The following SCTR variants were observed in gnomAD, a reference collection of about 807,000 sequenced individuals.
The protein encoded by SCTR is pancreatic secretin receptor.
In SCTR, 56 loss-of-function variants were observed where a neutral mutation model predicts 60.8. The ratio of observed to expected loss-of-function variants is 0.92; its 90% CI spans 0.74 to 1.15. The LOEUF is 1.15. Among genes scored for constraint, SCTR ranks in the 50% most tolerant of loss-of-function variants. The probability of loss-of-function intolerance (pLI) is 0.00; values close to 1 mark genes in which losing one functional copy is unlikely to be tolerated. For synonymous variants in SCTR, 202 were observed against 217.0 expected, an observed-to-expected ratio of 0.93 and a Z score of 0.61; for missense variants, 562 against 550.4, an observed-to-expected ratio of 1.02 and a Z score of -0.21.
At chr2:119,508,383 CTTTTTTT>C (rs34070844) in intron 1 of SCTR, among the ~76,000 whole-genome samples, 20 of 77,404 alleles carry the variant, frequency 2.6e-4, no homozygotes, top group Admixed American at 7.1e-4. Flanking sequence ...TCTTCTTCTT[CTTTTTTT>C]TTTTTTTTTT....
At chr2:119,484,664 TG>T (rs1558866092) in intron 2 of SCTR, 1 of 101,102 alleles carries the variant, frequency 9.9e-6, no homozygotes, top group Non-Finnish European at 2.6e-5. Flanking sequence ...TTTCTTCTCC[TG>T]TTTTTTTTGT....
intron 1 of SCTR, chr2:119,495,638 A>G (rs1678317167): frequency 6.6e-6 from 1 of 152,288 alleles, no homozygotes; most frequent in African/African-American, 2.4e-5. Flanking sequence ...CTCAGAGGCA[A>G]GTAGAAGTCA....
intron 11 of SCTR, among the ~76,000 whole-genome samples, chr2:119,443,638 C>T (rs1365676801): frequency 1.3e-5 from 2 of 152,104 alleles, no homozygotes; most frequent in Non-Finnish European, 2.9e-5. Flanking sequence ...CCTCTGCCTC[C>T]CAGGTTCAAG....
At chr2:119,459,159 C>T (rs1683500012) in intron 7 of SCTR, among the ~76,000 whole-genome samples, 1 of 152,166 alleles carries the variant, frequency 6.6e-6, no homozygotes, top group African/African-American at 2.4e-5. Flanking sequence ...AGTGAGACAA[C>T]CTAAATGTCC....
intron 1 of SCTR, among the ~76,000 whole-genome samples, chr2:119,499,134 A>G (rs1470366392): frequency 6.6e-6 from 1 of 152,102 alleles, no homozygotes; most frequent in Non-Finnish European, 1.5e-5. Flanking sequence ...AGAAAGACAC[A>G]TTACATAATG....
intron 2 of SCTR, among the ~76,000 whole-genome samples, chr2:119,493,880 A>T (rs1255648223): frequency 6.6e-6 from 1 of 152,098 alleles, no homozygotes; most frequent in Non-Finnish European, 1.5e-5. Context: ...ACCTCAGGTG[A>T]TCCACTCACC....
Position 119,524,156 on chromosome 2 carries a change from G to T in SCTR, c.71C>A (p.Ser24Ter). Residue 24 changes from serine (S) to a stop codon, truncating the protein, a stop_gained and splice_region_variant, in exon 1 of 13, where the codon TCG becomes TAG. Transcript: ENST00000019103. LOFTEE classifies it high-confidence loss of function. ...LPVLLACAAH[S>*]TGALPRLCDV... is the part of the protein sequence containing the mutation. Reference sequence around the variant, plus strand: ...CCTGCAGAAGGGCGCAGTACTCACCGAGTGCGCGGCGCAGGCGAGCAGCAC... The same window carrying T: ...CCTGCAGAAGGGCGCAGTACTCACCTAGTGCGCGGCGCAGGCGAGCAGCAC... The T allele has an allele frequency of 6.5e-7, 1 of 1,538,812 alleles. No homozygotes were observed. The highest frequency in any genetic ancestry group is 8.8e-7 in the Non-Finnish European group (1 of 1,141,038).
chr2:119,443,035 C>G (rs1369074215), intron 11 of SCTR, among the ~76,000 whole-genome samples: 1 of 152,090 alleles, frequency 6.6e-6, no homozygotes, highest in Non-Finnish European at 1.5e-5. Flanking sequence ...TTTAGGCATG[C>G]CTGGAGCTCT....
intron 4 of SCTR, among the ~76,000 whole-genome samples, chr2:119,471,411 T>A (rs1471996761): frequency 6.6e-6 from 1 of 152,180 alleles, no homozygotes; most frequent in Non-Finnish European, 1.5e-5. Context: ...AATCTCCTTA[T>A]TAAATCATCC....
rs751085881 is a variant in SCTR at position 119,488,031 on chromosome 2, G to C, written c.193+6397C>G. The stretch of plus-strand genomic sequence containing the variant: ...GGATTTTTCCTCAGACATCACACCC[G>C]CTCCACACTCCCAGATGGAGCCCTT... On this transcript the variant is annotated intron_variant, in intron 2 of 12. Transcript: ENST00000019103. Among the ~76,000 whole-genome samples the C allele has an allele frequency of 2.6e-5, 4 of 152,216 alleles. No individual in the cohort carries two copies. In the East Asian group the frequency reaches 7.7e-4, roughly 29 times the overall value.
intron 4 of SCTR, among the ~76,000 whole-genome samples, chr2:119,472,721 A>T (rs1230089462): frequency 6.6e-6 from 1 of 152,080 alleles, no homozygotes; most frequent in Admixed American, 6.6e-5. Flanking sequence ...TGCTCACTGC[A>T]TCCTCAAACT....
rs139738116 is a variant in SCTR at position 119,473,469 on chromosome 2, G to A, written c.389C>T (p.Ser130Phe). 4.7e-5 allele frequency: 75 copies of A among 1,612,528 alleles called. No homozygotes were observed. Among genetic ancestry groups the A allele is most frequent in the Non-Finnish European group, 6.0e-5 (71 of 1,178,672 alleles). ...NLACGVNVND[S>F]SNEKRHSYLL... The stretch of plus-strand genomic sequence containing the variant: ...CAGGCTTACCCGCTTCTCGTTGGAA[G>A]AGTCGTTCACATTAACGCCACAGGC... The change falls in exon 4 of 13, where the codon TCT becomes TTT. Residue 130 changes from serine to phenylalanine, a missense_variant. Ser to Phe is a radical substitution (Grantham distance 155). Transcript: ENST00000019103.
At chr2:119,483,358 T>C (rs762613685) in intron 2 of SCTR, among the ~76,000 whole-genome samples, 40 of 152,122 alleles carry the variant, frequency 2.6e-4, no homozygotes, top group Non-Finnish European at 3.5e-4. Flanking sequence ...ACAGAGCTGG[T>C]GATAATGGAG....
chr2:119,484,608 T>C (rs919326563), intron 2 of SCTR: 1 of 95,596 alleles, frequency 1.0e-5, no homozygotes, highest in African/African-American at 4.0e-5. Context: ...AATTAAATGA[T>C]ATGTGGGTGC....
At position 119,511,880 on chromosome 2, in the gene SCTR, AGAAAATACTAGGCT is replaced by A. The variant is rs542053853; in HGVS notation, c.72+12261_72+12274del. ...TATTAAACTAATTAACAATTTGGGT[AGAAAATACTAGGCT>A]GAAATAATTTTCCTTCCAAATTTTG... is the stretch of plus-strand genomic sequence containing the variant. On this transcript the variant is annotated intron_variant, in intron 1 of 12. Coordinates refer to ENST00000019103, the MANE Select transcript of SCTR (RefSeq NM_002980.3). 1.6e-3 allele frequency among the ~76,000 whole-genome samples: 238 copies of A among 152,348 alleles called. 2 individuals are homozygous for A. Among genetic ancestry groups the A allele is most frequent in the African/African-American group, 5.6e-3 (231 of 41,580 alleles).
chr2:119,465,733 C>T, intron 5 of SCTR, 56 bp downstream of exon 5: 3 of 1,237,290 alleles, frequency 2.4e-6, no homozygotes, highest in Non-Finnish European at 3.6e-6. Context: ...GAGAAGAGAC[C>T]CAAAGTCTGT....
At chr2:119,506,154 G>T (rs968616209) in intron 1 of SCTR, among the ~76,000 whole-genome samples, 1 of 152,166 alleles carries the variant, frequency 6.6e-6, no homozygotes, top group Admixed American at 6.5e-5. Flanking sequence ...ACAGTCCTGG[G>T]CATTTATCCC....
chr2:119,521,190 C>T (rs1679276228), intron 1 of SCTR, among the ~76,000 whole-genome samples: 1 of 152,186 alleles, frequency 6.6e-6, no homozygotes. Flanking sequence ...TGGCAGTTTG[C>T]CAAATGTCAT....
At chr2:119,476,694 C>T (rs7570860) in intron 3 of SCTR, 4,123 of 152,406 alleles carry the variant, frequency 0.027, 206 homozygotes, top group African/African-American at 0.093. Flanking sequence ...GACAGTGCTG[C>T]GGGAGGCGGA....
Sources: gnomAD v4.1 joint callset for allele counts (sites outside exome capture counted in the v4.1 genomes callset) on GRCh38, gnomAD v4.1.1 for gene constraint, MANE v1.5 for transcripts, NCBI Gene and HGNC (gene_info 2026-07-23, HGNC 2026-07-21) for gene names.